Variants in VAPA observed in about 807,000 individuals in gnomAD.
The protein encoded by VAPA is VAMP associated protein A.
In VAPA, 6 loss-of-function variants were observed where a neutral mutation model predicts 25.6. The ratio of observed to expected loss-of-function variants is 0.23; its 90% CI spans 0.13 to 0.46. The LOEUF (loss-of-function observed/expected upper bound fraction) is 0.46. VAPA is among the 20% of genes least tolerant of loss of function. VAPA has a pLI of 0.99. For synonymous variants in VAPA, 112 were observed against 106.2 expected, an observed-to-expected ratio of 1.05 and a Z score of -0.34; for missense variants, 244 against 302.1, an observed-to-expected ratio of 0.81 and a Z score of 1.43.
chr18:9,933,604 C>A (rs1439006441), intron 2 of VAPA, among the ~76,000 whole-genome samples: 1 of 152,126 alleles, frequency 6.6e-6, no homozygotes, highest in South Asian at 2.1e-4. Context: ...GTGGTGTGAT[C>A]TCAGGTGACT....
chr18:9,923,174 C>G (rs553321982), intron 1 of VAPA, among the ~76,000 whole-genome samples: 10 of 152,230 alleles, frequency 6.6e-5, no homozygotes, highest in Admixed American at 5.2e-4. Flanking sequence ...TTCTTTATAA[C>G]TAGTTATCAC....
At chr18:9,943,910 G>T (rs1409140410) in intron 4 of VAPA, among the ~76,000 whole-genome samples, 1 of 126,334 alleles carries the variant, frequency 7.9e-6, no homozygotes, top group Non-Finnish European at 1.6e-5. Context: ...ACCCAGGCTG[G>T]AGTGCAGTGG....
At chr18:9,941,892 T>C (rs2069369394) in intron 4 of VAPA, among the ~76,000 whole-genome samples, 1 of 152,210 alleles carries the variant, frequency 6.6e-6, no homozygotes, top group Admixed American at 6.5e-5. Context: ...TGAAAACTGT[T>C]GGTGATGTAT....
At chr18:9,946,729 G>A (rs1350713133) in intron 4 of VAPA, among the ~76,000 whole-genome samples, 1 of 151,920 alleles carries the variant, frequency 6.6e-6, no homozygotes, top group Non-Finnish European at 1.5e-5. Context: ...TGAGTGAATG[G>A]GAAGGCCTAG....
At chr18:9,944,876 A>G (rs367654817) in intron 4 of VAPA, 2 of 1,593,236 alleles carry the variant, frequency 1.3e-6, no homozygotes, top group Non-Finnish European at 1.7e-6. Flanking sequence ...TGCAGAAGAA[A>G]TCAGAGTTCG....
intron 1 of VAPA, among the ~76,000 whole-genome samples, chr18:9,929,484 A>T (rs954940410): frequency 3.3e-5 from 5 of 152,132 alleles, no homozygotes; most frequent in Non-Finnish European, 7.4e-5. Context: ...CCCTGAACTC[A>T]GCTCTCCAAC....
Position 9,919,060 on chromosome 18 carries a change from T to C in VAPA, c.79+4725T>C, listed in dbSNP as rs528309233. Reference sequence around the variant, plus strand: ...ATGCTACCATGCCCAGCTAATTTTTTACGTACATATGGGGGTGCCGCTGTG... The same window carrying C: ...ATGCTACCATGCCCAGCTAATTTTTCACGTACATATGGGGGTGCCGCTGTG... On this transcript the variant is annotated intron_variant, in intron 1 of 5. Transcript: ENST00000400000. 7.9e-5 allele frequency among the ~76,000 whole-genome samples: 12 copies of C among 152,262 alleles called. No individual in the cohort carries two copies. In the East Asian group the frequency reaches 1.9e-3, roughly 24 times the overall value.
At position 9,950,510 on chromosome 18, in the gene VAPA, A is replaced by C; in HGVS notation, c.533A>C (p.Glu178Ala). ...ACCGAAACAAGGAAACTAATGGAAG[A>C]GTGTAAAAGACTTCAGGGAGAAATG... ...NDTETRKLME[E>A]CKRLQGEMMK... The change falls in exon 5 of 6, where the codon GAG (glutamate) becomes GCG (alanine). Residue 178 changes from glutamate (E) to alanine (A), a missense_variant. Around this residue, in one of 2 missense-constraint regions of VAPA, gnomAD observed 145 missense variants for 140.6 expected, o/e 1.03. Coordinates refer to ENST00000400000, the MANE Select transcript of VAPA (RefSeq NM_194434.3). 6.2e-7 allele frequency: 1 copy of C among 1,613,942 alleles called. No homozygotes were observed. The highest frequency in any genetic ancestry group is 1.1e-5 in the South Asian group (1 of 90,948).
chr18:9,927,328 G>A (rs755048352), intron 1 of VAPA, among the ~76,000 whole-genome samples: 34 of 151,922 alleles, frequency 2.2e-4, no homozygotes, highest in Admixed American at 1.4e-3. Flanking sequence ...TAAAATGTTG[G>A]GGGAAAAGCT....
intron 4 of VAPA, among the ~76,000 whole-genome samples, chr18:9,938,989 A>C (rs2069339007): frequency 6.6e-6 from 1 of 152,164 alleles, no homozygotes; most frequent in Non-Finnish European, 1.5e-5. Context: ...TGTATTTTTC[A>C]AAGTACTTTA....
chr18:9,938,911 T>C (rs997106992), intron 4 of VAPA, among the ~76,000 whole-genome samples: 2 of 152,160 alleles, frequency 1.3e-5, no homozygotes, highest in Non-Finnish European at 2.9e-5. Flanking sequence ...TCCTGTTAAT[T>C]CTCATCTTAG....
chr18:9,946,453 A>G (rs1405755466), intron 4 of VAPA, among the ~76,000 whole-genome samples: 1 of 149,076 alleles, frequency 6.7e-6, no homozygotes, highest in Non-Finnish European at 1.5e-5. Context: ...TTCTTAAAAC[A>G]CTATGAGTTT....
chr18:9,942,668 C>A (rs2069377826), intron 4 of VAPA, among the ~76,000 whole-genome samples: 1 of 152,096 alleles, frequency 6.6e-6, no homozygotes, highest in African/African-American at 2.4e-5. Context: ...CAGGAAACTT[C>A]TAGTCATGGT....
intron 1 of VAPA, among the ~76,000 whole-genome samples, chr18:9,926,118 A>T (rs2069198281): frequency 6.6e-6 from 1 of 152,194 alleles, no homozygotes; most frequent in South Asian, 2.1e-4. Flanking sequence ...AACATAGTTC[A>T]TACAAAGTTA....
intron 4 of VAPA, chr18:9,945,143 TGTGA>T (rs2069408816): frequency 3.4e-5 from 49 of 1,457,566 alleles, no homozygotes; most frequent in Non-Finnish European, 4.4e-5. Flanking sequence ...TAAGTGGTAT[TGTGA>T]GTATGTTGTA....
chr18:9,924,108 G>A (rs1187953982), intron 1 of VAPA: 1 of 151,482 alleles, frequency 6.6e-6, no homozygotes, highest in South Asian at 2.1e-4. Context: ...TTTGTATTTT[G>A]TATGTTTTTA....
At chr18:9,935,397 A>G (rs969780257) in intron 2 of VAPA, among the ~76,000 whole-genome samples, 1 of 151,910 alleles carries the variant, frequency 6.6e-6, no homozygotes, top group African/African-American at 2.4e-5. Flanking sequence ...AATGACGAAA[A>G]CCCTTTCTCT....
chr18:9,933,126 C>T (rs1221042880), intron 2 of VAPA, among the ~76,000 whole-genome samples: 1 of 151,028 alleles, frequency 6.6e-6, no homozygotes, highest in Non-Finnish European at 1.5e-5. Flanking sequence ...AAAAAAAAAG[C>T]CTGGGTGATC....
intron 3 of VAPA, chr18:9,936,498 C>G (rs749461216): frequency 4.3e-6 from 1 of 233,104 alleles, no homozygotes; most frequent in Non-Finnish European, 8.2e-6. Context: ...ATCTCAAGCC[C>G]AGGAGTTCGA....
Sources: allele counts gnomAD v4.1 joint callset (sites outside exome capture counted in the v4.1 genomes callset), GRCh38; gene constraint gnomAD v4.1.1; regional missense constraint gnomAD v4.1.1; transcripts MANE v1.5; gene names NCBI Gene and HGNC (gene_info 2026-07-23, HGNC 2026-07-21).